The following CHRNA1 variants were observed in gnomAD, a reference collection of about 807,000 sequenced individuals.
CHRNA1 encodes acetylcholine receptor subunit alpha.
In CHRNA1, 35 loss-of-function variants were observed where a neutral mutation model predicts 47.1. The ratio of observed to expected loss-of-function variants is 0.74; its 90% CI spans 0.57 to 0.99. The LOEUF is 0.99. Ranked by LOEUF, CHRNA1 falls within the 50% of genes least tolerant of loss-of-function variation. CHRNA1 has a pLI of 0.00. For synonymous variants in CHRNA1, 229 were observed against 223.6 expected (o/e 1.02, Z -0.22); for missense variants, 506 against 591.1 (o/e 0.86, Z 1.49).
At chr2:174,762,248 G>A (rs749184019) in intron 1 of CHRNA1, among the ~76,000 whole-genome samples, 1 of 152,166 alleles carries the variant, frequency 6.6e-6, no homozygotes, top group Non-Finnish European at 1.5e-5. Flanking sequence ...AAAACTCACA[G>A]GGCTCAAAGT....
At chr2:174,759,407 G>A (rs1305407785) in intron 2 of CHRNA1, 32 bp from the exon 3 acceptor site, 3 of 1,613,830 alleles carry the variant, frequency 1.9e-6, no homozygotes, top group Non-Finnish European at 2.5e-6. Context: ...ATTTTTATGG[G>A]GGAGAGAGGG....
chr2:174,757,683 C>T lies in CHRNA1; in HGVS notation c.235-8G>A. On this transcript the variant is annotated splice_polypyrimidine_tract_variant and splice_region_variant and intron_variant, in intron 3 of 8. Coordinates refer to ENST00000348749, the MANE Select transcript of CHRNA1 (RefSeq NM_000079.4). Reference sequence around the variant, plus strand: ...GTTGTAATCCACCCATTGCTAGAAACAAAGACATACAGCTAATTAAAAAGC... The same window carrying T: ...GTTGTAATCCACCCATTGCTAGAAATAAAGACATACAGCTAATTAAAAAGC... 1 of 1,608,046 alleles carries T rather than the reference C, an allele frequency of 6.2e-7. No individual in the cohort carries two copies. The highest frequency in any genetic ancestry group is 8.5e-7 in the Non-Finnish European group (1 of 1,174,540).
At position 174,747,840 on chromosome 2, in the gene CHRNA1, C is replaced by A; in HGVS notation, c.*284G>T. 2.6e-6 allele frequency: 1 copy of A among 390,758 alleles called. No homozygotes were observed. Among genetic ancestry groups the A allele is most frequent in the Non-Finnish European group, 4.8e-6 (1 of 207,406 alleles). The allele number at this position is 390,758 out of a possible 1,614,324, so 24.2% of individuals were successfully genotyped here. A position where few individuals can be genotyped will look rare whatever the true frequency, so the allele number is the denominator to read the frequency against. ...CAACAGAAAACCTCGGTTATCCTGG[C>A]AAAAACTCTTCCAGACACTGGAAAT... On this transcript the variant is annotated 3_prime_UTR_variant, in exon 9 of 9. Transcript: ENST00000348749.
In CHRNA1 at chr2:174,764,461, G is replaced by T; in HGVS notation, c.-67C>A. The T allele has an allele frequency of 6.5e-7, 1 of 1,540,822 alleles. No individual in the cohort carries two copies. The highest frequency in any genetic ancestry group is 8.9e-7 in the Non-Finnish European group (1 of 1,122,396). Reference sequence around the variant, plus strand: ...TGTGCTTCTCACTGGCACTCTGGCTGGGTGCTTGTCTGCTGGAGGGTTTGG... The same window carrying T: ...TGTGCTTCTCACTGGCACTCTGGCTTGGTGCTTGTCTGCTGGAGGGTTTGG... On this transcript the variant is annotated 5_prime_UTR_variant, in exon 1 of 9. Transcript: ENST00000348749.
In CHRNA1 at chr2:174,759,624, A is replaced by C. The variant is rs1356092030; in HGVS notation, c.53T>G (p.Val18Gly). 3 of 1,613,398 alleles carry C rather than the reference A, an allele frequency of 1.9e-6. No homozygotes were observed. Among genetic ancestry groups the C allele is most frequent in the Admixed American group, 3.3e-5 (2 of 59,984 alleles). The change falls in exon 2 of 9, where the codon GTC becomes GGC. Residue 18 changes from valine (V) to glycine (G), a missense_variant. Coordinates refer to ENST00000348749, the MANE Select transcript of CHRNA1 (RefSeq NM_000079.4). ...LLFSLCSAGLVLGSEHETRLV... is the reference protein window; with the variant it reads ...LLFSLCSAGLGLGSEHETRLV... ...ACGGGTCTCATGTTCGGAGCCCAGGACGAGGCCAGCTGAGACAGCAGATGA... is the reference window on the plus strand; with the variant it reads ...ACGGGTCTCATGTTCGGAGCCCAGGCCGAGGCCAGCTGAGACAGCAGATGA...
Position 174,764,404 on chromosome 2 carries a change from G to C in CHRNA1, c.-10C>G. On this transcript the variant is annotated 5_prime_UTR_variant, in exon 1 of 9. Transcript: ENST00000348749. ...GAGGCCAGGGCTCCATGGGCTACCGGAGCTTGTGTGGACCAGGGCAGAGTG... is the reference window on the plus strand; with the variant it reads ...GAGGCCAGGGCTCCATGGGCTACCGCAGCTTGTGTGGACCAGGGCAGAGTG... 1 of 1,611,964 alleles carries C rather than the reference G, an allele frequency of 6.2e-7. No individual in the cohort carries two copies. The highest frequency in any genetic ancestry group is 8.5e-7 in the Non-Finnish European group (1 of 1,179,056).
Position 174,753,639 on chromosome 2 carries a change from G to A in CHRNA1, c.642C>T (p.Pro214=), listed in dbSNP as rs757027133. 28 of 1,614,064 alleles carry A rather than the reference G, an allele frequency of 1.7e-5. No homozygotes were observed. In the South Asian group the frequency reaches 1.9e-4, roughly 11 times the overall value. Residue 214 remains proline, a synonymous_variant, in exon 6 of 9, where the codon CCC becomes CCT. Transcript: ENST00000348749. ...AGGTGATGTCCAGGTAGGGGGTGTCGGGGCAGCAGGAATAGGTCACGGAGT... is the reference window on the plus strand; with the variant it reads ...AGGTGATGTCCAGGTAGGGGGTGTCAGGGCAGCAGGAATAGGTCACGGAGT... ...WKHSVTYSCC[P]DTPYLDITYH... is the part of the protein sequence containing the mutation.
At chr2:174,761,739 T>C (rs1684104947) in intron 1 of CHRNA1, among the ~76,000 whole-genome samples, 1 of 152,194 alleles carries the variant, frequency 6.6e-6, no homozygotes, top group African/African-American at 2.4e-5. Context: ...AATATGTTGT[T>C]TGAATATTCC....
intron 6 of CHRNA1, among the ~76,000 whole-genome samples, chr2:174,750,457 G>A (rs1261597522): frequency 2.6e-5 from 4 of 152,060 alleles, no homozygotes; most frequent in Non-Finnish European, 5.9e-5. Context: ...ATTACAAACC[G>A]AGAGAGGCCT....
At chr2:174,760,093 A>G (rs907091558) in intron 1 of CHRNA1, among the ~76,000 whole-genome samples, 7 of 152,214 alleles carry the variant, frequency 4.6e-5, no homozygotes, top group Non-Finnish European at 7.4e-5. Flanking sequence ...TAGAGTGGCC[A>G]TAACTAACAA....
chr2:174,753,632 G>A lies in CHRNA1; in HGVS notation c.649C>T (p.Pro217Ser), dbSNP rs774551857. 1 of 1,614,116 alleles carries A rather than the reference G, an allele frequency of 6.2e-7. No homozygotes were observed. Among genetic ancestry groups the A allele is most frequent in the South Asian group, 1.1e-5 (1 of 91,060 alleles). Residue 217 changes from proline (P) to serine (S), a missense_variant, in exon 6 of 9, where the codon CCC (proline) becomes TCC (serine). Coordinates refer to ENST00000348749, the MANE Select transcript of CHRNA1 (RefSeq NM_000079.4). The part of the protein sequence containing the change: ...SVTYSCCPDT[P>S]YLDITYHFVM... ...AAGTGGTAGGTGATGTCCAGGTAGG[G>A]GGTGTCGGGGCAGCAGGAATAGGTC...
At chr2:174,759,157 GT>G (rs1416164678) in intron 3 of CHRNA1, among the ~76,000 whole-genome samples, 173 bp downstream of exon 3, 1 of 151,786 alleles carries the variant, frequency 6.6e-6, no homozygotes, top group Non-Finnish European at 1.5e-5. Flanking sequence ...AAGCCCTAAA[GT>G]TTAAAAAAAA....
At chr2:174,750,672 T>C (rs529439867) in intron 6 of CHRNA1, among the ~76,000 whole-genome samples, 58 of 152,266 alleles carry the variant, frequency 3.8e-4, no homozygotes, top group African/African-American at 1.3e-3. Context: ...TCTCAAAGCA[T>C]TTTTTTCTGC....
At chr2:174,752,384 A>C (rs1167707319) in intron 6 of CHRNA1, among the ~76,000 whole-genome samples, 1 of 152,200 alleles carries the variant, frequency 6.6e-6, no homozygotes, top group South Asian at 2.1e-4. Context: ...GGCCTCGGCA[A>C]CATGGTGCAA....
intron 4 of CHRNA1, among the ~76,000 whole-genome samples, chr2:174,756,353 G>T (rs1683980295): frequency 6.6e-6 from 1 of 152,110 alleles, no homozygotes; most frequent in Non-Finnish European, 1.5e-5. Context: ...GGCATATGTT[G>T]GTCCCTCATG....
rs1574006474 is a variant in CHRNA1, at chr2:174,753,612, G to A, written c.669C>T (p.Tyr223=). 1.2e-6 allele frequency: 2 copies of A among 1,614,156 alleles called. No homozygotes were observed. Among genetic ancestry groups the A allele is most frequent in the Non-Finnish European group, 8.5e-7 (1 of 1,180,038 alleles). The change falls in exon 6 of 9, where the codon TAC becomes TAT. Residue 223 remains tyrosine, a synonymous_variant. Coordinates refer to ENST00000348749, the MANE Select transcript of CHRNA1 (RefSeq NM_000079.4). ...GGGGCAGGCGCTGCATGACGAAGTG[G>A]TAGGTGATGTCCAGGTAGGGGGTGT... ...CPDTPYLDIT[Y]HFVMQRLPLY... is the part of the protein sequence containing the mutation.
rs182459320 is a variant in CHRNA1 at position 174,764,431 on chromosome 2, T to C, written c.-37A>G. 3,328 of 1,605,438 alleles carry C rather than the reference T, an allele frequency of 2.1e-3. 11 individuals are homozygous for C. The highest frequency in any genetic ancestry group is 6.3e-3 in the Middle Eastern group (38 of 6,032). On this transcript the variant is annotated 5_prime_UTR_variant, in exon 1 of 9. Transcript: ENST00000348749. ...GCTTGTGTGGACCAGGGCAGAGTGG[T>C]GGCCTGTGCTTCTCACTGGCACTCT...
chr2:174,748,125 C>T lies in CHRNA1; in HGVS notation c.1373G>A (p.Ter458=). Reference sequence around the variant, plus strand: ...AGCTAAGCTCAGCTCATTTTCTGCTCATCCTTGCTGATTTAATTCAATGAG... The same window carrying T: ...AGCTAAGCTCAGCTCATTTTCTGCTTATCCTTGCTGATTTAATTCAATGAG... ...GRLIELNQQG[*] is the part of the protein sequence containing the mutation. The change falls in exon 9 of 9, where the codon TGA becomes TAA. Residue 458 remains the stop codon, a stop_retained_variant. Coordinates refer to ENST00000348749, the MANE Select transcript of CHRNA1 (RefSeq NM_000079.4). The T allele has an allele frequency of 6.2e-7, 1 of 1,614,048 alleles. No homozygotes were observed. The highest frequency in any genetic ancestry group is 1.3e-5 in the African/African-American group (1 of 75,042).
chr2:174,755,533 C>T (rs1391333334), intron 4 of CHRNA1, among the ~76,000 whole-genome samples: 7 of 151,968 alleles, frequency 4.6e-5, no homozygotes, highest in Non-Finnish European at 1.0e-4. Context: ...CATTCTCCTG[C>T]CTCAGCTCCC....
Sources: allele counts gnomAD v4.1 joint callset (sites outside exome capture counted in the v4.1 genomes callset), GRCh38; gene constraint gnomAD v4.1.1; transcripts MANE v1.5; gene names NCBI Gene and HGNC (gene_info 2026-07-23, HGNC 2026-07-21).